INSL6: variants seen among roughly 807,000 people sequenced by gnomAD.
The protein encoded by INSL6 is insulin like 6.
A neutral mutation model predicts 9.4 loss-of-function variants in INSL6; 16 were observed. That is an observed-to-expected ratio of 1.70 (90% CI 1.15 to 2.59). The LOEUF (loss-of-function observed/expected upper bound fraction) is 2.59. Ranked by LOEUF, INSL6 falls within the 30% of genes most tolerant of loss-of-function variation. The pLI, the probability that INSL6 is intolerant of heterozygous loss-of-function variation, is 0.00. For missense variants in INSL6, 391 were observed against 257.3 expected, an observed-to-expected ratio of 1.52 and a Z score of -3.56; for synonymous variants, 154 against 96.9, an observed-to-expected ratio of 1.59 and a Z score of -3.46.
At chr9:5,033,145 A>G in the INSL6 span, among the ~76,000 whole-genome samples, 1 of 152,358 alleles carries the variant, frequency 6.6e-6, no homozygotes, top group African/African-American at 2.4e-5. Context: ...AAAGGGTATC[A>G]GAGATGGAAG....
At chr9:5,031,355 A>C in the INSL6 span, among the ~76,000 whole-genome samples, 1 of 152,226 alleles carries the variant, frequency 6.6e-6, no homozygotes, top group Non-Finnish European at 1.5e-5. Flanking sequence ...ACATAATTAA[A>C]TTCAGAATCA....
At chr9:5,082,279 G>T in the INSL6 span, among the ~76,000 whole-genome samples, 3 of 152,168 alleles carry the variant, frequency 2.0e-5, no homozygotes, top group Admixed American at 1.3e-4. Context: ...TGGGGAGAAG[G>T]TCAGCAAGAA....
chr9:5,174,638 T>C (rs7029084), intron 1 of INSL6, among the ~76,000 whole-genome samples: 55,320 of 152,028 alleles, frequency 0.36, 11,022 homozygotes, highest in African/African-American at 0.55. Flanking sequence ...TGATCTCCTC[T>C]AGTCTTACAG....
intron 2 of INSL6, among the ~76,000 whole-genome samples, chr9:5,134,812 G>A (rs1358431949): frequency 1.3e-5 from 2 of 152,134 alleles, no homozygotes; most frequent in African/African-American, 4.8e-5. Context: ...GCATCATAAT[G>A]ACAGGATCAA....
intron 1 of INSL6, among the ~76,000 whole-genome samples, chr9:5,183,834 C>T (rs1825509874): frequency 6.6e-6 from 1 of 151,988 alleles, no homozygotes; most frequent in South Asian, 2.1e-4. Context: ...GTGTGGGCCA[C>T]GAACTAGCAG....
chr9:5,080,345 G>A, the INSL6 span: 1 of 1,613,718 alleles, frequency 6.2e-7, no homozygotes, highest in South Asian at 1.1e-5. Flanking sequence ...CTGCAGTGGA[G>A]GAGATAAACC....
At chr9:5,099,377 G>T in the INSL6 span, 1 of 152,004 alleles carries the variant, frequency 6.6e-6, no homozygotes, top group Admixed American at 6.6e-5. Flanking sequence ...GTTAAAGATT[G>T]ACGGAGTCTA....
At chr9:5,176,216 A>G (rs1380410904) in intron 1 of INSL6, among the ~76,000 whole-genome samples, 1 of 152,284 alleles carries the variant, frequency 6.6e-6, no homozygotes, top group South Asian at 2.1e-4. Flanking sequence ...CTTTCTCCAC[A>G]TATCCACTTG....
chr9:5,184,638 C>T (rs1214128754), intron 1 of INSL6, among the ~76,000 whole-genome samples: 1 of 152,076 alleles, frequency 6.6e-6, no homozygotes, highest in African/African-American at 2.4e-5. Context: ...GTCACACAGG[C>T]CTTGCATTTG....
the INSL6 span, among the ~76,000 whole-genome samples, chr9:5,021,280 GTTC>G: frequency 6.6e-6 from 1 of 152,050 alleles, no homozygotes; most frequent in African/African-American, 2.4e-5. Flanking sequence ...CGCTATTTTG[GTTC>G]TTCTTTGTGG....
intron 2 of INSL6, among the ~76,000 whole-genome samples, chr9:5,158,657 G>C (rs1484690455): frequency 6.6e-6 from 1 of 151,688 alleles, no homozygotes; most frequent in Middle Eastern, 3.2e-3. Flanking sequence ...AAACATGAAG[G>C]AGAAATACTT....
chr9:4,996,721 A>G, the INSL6 span, among the ~76,000 whole-genome samples: 1 of 151,924 alleles, frequency 6.6e-6, no homozygotes, highest in Non-Finnish European at 1.5e-5. Context: ...CCTGCCACAG[A>G]CTTTTAAAGG....
intron 3 of INSL6, chr9:5,126,862 A>C: frequency 1.2e-6 from 1 of 824,358 alleles, no homozygotes. Context: ...ATTGCTGTGG[A>C]CTATTATTAC....
At chr9:4,992,907 AG>A in the INSL6 span, among the ~76,000 whole-genome samples, 1 of 152,164 alleles carries the variant, frequency 6.6e-6, no homozygotes, top group Non-Finnish European at 1.5e-5. Context: ...CATTCTTAAT[AG>A]GACATAGGCT....
At chr9:5,008,896 A>G in the INSL6 span, among the ~76,000 whole-genome samples, 7 of 152,090 alleles carry the variant, frequency 4.6e-5, no homozygotes, top group Non-Finnish European at 7.4e-5. Context: ...TTTTATGCTC[A>G]TAATATTTTT....
At chr9:5,157,077 G>A (rs1402309030) in intron 2 of INSL6, among the ~76,000 whole-genome samples, 3 of 151,958 alleles carry the variant, frequency 2.0e-5, no homozygotes, top group African/African-American at 7.3e-5. Flanking sequence ...TATTATAACT[G>A]TACATTAAAA....
chr9:5,057,983 A>G, the INSL6 span, among the ~76,000 whole-genome samples: 1 of 152,134 alleles, frequency 6.6e-6, no homozygotes, highest in Admixed American at 6.5e-5. Flanking sequence ...AGTTAGTATA[A>G]TATACTCAAG....
chr9:5,073,826 ATC>A, the INSL6 span: 1 of 1,297,840 alleles, frequency 7.7e-7, no homozygotes, highest in Non-Finnish European at 1.1e-6. Context: ...TTCTCAGAGC[ATC>A]TGTTTTTGTT....
chr9:5,139,478 C>T (rs1419784763), intron 2 of INSL6, among the ~76,000 whole-genome samples: 1 of 152,082 alleles, frequency 6.6e-6, no homozygotes, highest in East Asian at 1.9e-4. Context: ...TGACTTTTGC[C>T]TCAGAGTATT....
Sources: gnomAD v4.1 joint callset for allele counts (sites outside exome capture counted in the v4.1 genomes callset) on GRCh38, gnomAD v4.1.1 for gene constraint, MANE v1.5 for transcripts, NCBI Gene and HGNC (gene_info 2026-07-23, HGNC 2026-07-21) for gene names.